CTIF: variants seen among roughly 807,000 people sequenced by gnomAD.
CTIF encodes the protein cap binding complex dependent translation initiation factor.
Under a neutral mutation model 66.0 loss-of-function variants are expected in CTIF, and 21 were observed. The ratio of observed to expected loss-of-function variants is 0.32; its 90% CI spans 0.23 to 0.46. The LOEUF (loss-of-function observed/expected upper bound fraction) is 0.46. CTIF is among the 20% of genes least tolerant of loss of function. The pLI, the probability that CTIF is intolerant of heterozygous loss-of-function variation, is 1.00. For synonymous variants in CTIF, 345 were observed against 326.4 expected (o/e 1.06, Z -0.62); for missense variants, 739 against 812.7 (o/e 0.91, Z 1.10).
At chr18:48,787,418 C>T (rs531377445) in intron 9 of CTIF, among the ~76,000 whole-genome samples, 1 of 152,122 alleles carries the variant, frequency 6.6e-6, no homozygotes, top group Non-Finnish European at 1.5e-5. Context: ...AGGAGACTCA[C>T]ATCTCAGAAG....
chr18:48,857,704 T>C, intron 11 of CTIF, 63 bp downstream of exon 11: 1 of 1,466,962 alleles, frequency 6.8e-7, no homozygotes, highest in Non-Finnish European at 9.3e-7. Flanking sequence ...GCCTTAACAG[T>C]TCTAGGGGCA....
chr18:48,742,629 G>C (rs2092564546), intron 7 of CTIF, among the ~76,000 whole-genome samples: 1 of 152,236 alleles, frequency 6.6e-6, no homozygotes. Context: ...CTGTGTCAGA[G>C]CCAAGGCGCA....
At chr18:48,659,010 A>G (rs1203893517) in intron 3 of CTIF, among the ~76,000 whole-genome samples, 1 of 152,176 alleles carries the variant, frequency 6.6e-6, no homozygotes, top group Non-Finnish European at 1.5e-5. Context: ...AGCAAAGGAA[A>G]GCTCTGCAGG....
At chr18:48,703,256 G>A (rs1180264393) in intron 6 of CTIF, among the ~76,000 whole-genome samples, 3 of 152,164 alleles carry the variant, frequency 2.0e-5, no homozygotes, top group Non-Finnish European at 4.4e-5. Context: ...AGAGGCCAGG[G>A]CAGAGTGGAT....
rs747026627 is a variant in CTIF at position 48,859,762 on chromosome 18, G to A, written c.*203G>A. 8 of 697,962 alleles carry A rather than the reference G, an allele frequency of 1.1e-5. No homozygotes were observed. Among genetic ancestry groups the A allele is most frequent in the Non-Finnish European group, 1.8e-5 (7 of 382,514 alleles). The allele number at this position is 697,962 out of a possible 1,614,324, so 43.2% of individuals were successfully genotyped here. On this transcript the variant is annotated 3_prime_UTR_variant, in exon 12 of 12. Coordinates refer to ENST00000256413, the MANE Select transcript of CTIF (RefSeq NM_014772.3). ...TGCCCCCGCACAAGCCCCCCAGCCC[G>A]AGCATGCAAGCTCACACCAATAAGG...
intron 1 of CTIF, among the ~76,000 whole-genome samples, chr18:48,580,136 A>G (rs16949530): frequency 0.14 from 21,313 of 152,096 alleles, 2,033 homozygotes; most frequent in African/African-American, 0.27. Flanking sequence ...ACAGGTTTGT[A>G]TGTTGTTAGA....
intron 10 of CTIF, among the ~76,000 whole-genome samples, chr18:48,828,050 G>T (rs1374243496): frequency 5.2e-5 from 7 of 134,610 alleles, no homozygotes; most frequent in African/African-American, 2.0e-4. Context: ...TGACTGTTCT[G>T]CTTCCTTAGC....
intron 10 of CTIF, among the ~76,000 whole-genome samples, chr18:48,843,497 C>T (rs1233058491): frequency 1.3e-5 from 2 of 151,982 alleles, no homozygotes; most frequent in Non-Finnish European, 2.9e-5. Flanking sequence ...GCCTCTCGAG[C>T]CCTCCTCCCC....
rs73956923 is a variant in CTIF, at chr18:48,573,130, C to T, written c.-29+33818C>T. On this transcript the variant is annotated intron_variant, in intron 1 of 11. Transcript: ENST00000256413. ...CAGTCTTTAAGGACAAGAGCCCTTG[C>T]GTCTGGATCAGGAAGGCTGCCCTGG... Among the ~76,000 whole-genome samples the T allele has an allele frequency of 3.5e-3, 533 of 152,252 alleles. 5 individuals carry two copies. The highest frequency in any genetic ancestry group is 0.012 in the African/African-American group (501 of 41,544).
intron 6 of CTIF, among the ~76,000 whole-genome samples, chr18:48,673,286 T>C (rs932837184): frequency 6.6e-6 from 1 of 152,182 alleles, no homozygotes; most frequent in African/African-American, 2.4e-5. Context: ...TGTTGTGTTG[T>C]CTAGAGTGTA....
intron 3 of CTIF, among the ~76,000 whole-genome samples, chr18:48,638,924 G>A (rs536249170): frequency 3.3e-4 from 50 of 152,240 alleles, no homozygotes; most frequent in Non-Finnish European, 6.9e-4. Context: ...TTTGTGGGAG[G>A]GACCTCCTAC....
In CTIF at chr18:48,559,972, T is replaced by A. The variant is rs1050472785; in HGVS notation, c.-29+20660T>A. ...AATACAAATAAACCAAACAAAATAA[T>A]TATATATTATGACCAAGTGGAGTTT... is the stretch of plus-strand genomic sequence containing the variant. On this transcript the variant is annotated intron_variant, in intron 1 of 11. Transcript: ENST00000256413. 4.6e-5 allele frequency among the ~76,000 whole-genome samples: 7 copies of A among 151,914 alleles called. No individual in the cohort carries two copies. The South Asian group carries it at 6.2e-4, about 14-fold the overall frequency.
At chr18:48,842,103 A>G (rs2146550152) in intron 10 of CTIF, among the ~76,000 whole-genome samples, 1 of 152,188 alleles carries the variant, frequency 6.6e-6, no homozygotes, top group East Asian at 1.9e-4. Context: ...AGAGACGGGG[A>G]CGTTCAAGTA....
rs548608346 is a variant in CTIF, at chr18:48,819,441, G to GTGA, written c.1527+2067_1527+2069dup. On this transcript the variant is annotated intron_variant, in intron 10 of 11. Transcript: ENST00000256413. ...AATTGCCCCAACACGTTCCCTCTGC[G>GTGA]TGATCTGGACACCTCCTGGTGTTGT... is the stretch of plus-strand genomic sequence containing the variant. 3.0e-3 allele frequency among the ~76,000 whole-genome samples: 464 copies of GTGA among 152,338 alleles called. 4 individuals carry two copies. The highest frequency in any genetic ancestry group is 0.01 in the African/African-American group (430 of 41,580).
intron 7 of CTIF, among the ~76,000 whole-genome samples, chr18:48,739,707 C>T (rs897054964): frequency 6.6e-6 from 1 of 152,208 alleles, no homozygotes; most frequent in African/African-American, 2.4e-5. Flanking sequence ...TTCCCAGGGG[C>T]CACTGGAAGC....
At chr18:48,796,251 G>A (rs1056947088) in intron 9 of CTIF, among the ~76,000 whole-genome samples, 9 of 151,876 alleles carry the variant, frequency 5.9e-5, no homozygotes, top group Non-Finnish European at 1.0e-4. Context: ...TCGGCTCACC[G>A]CAAGCTCCAC....
chr18:48,812,006 A>G (rs1219682698), intron 9 of CTIF, among the ~76,000 whole-genome samples: 1 of 152,214 alleles, frequency 6.6e-6, no homozygotes, highest in Non-Finnish European at 1.5e-5. Flanking sequence ...TCTGTCCCCC[A>G]GGCTGGGGTG....
intron 9 of CTIF, among the ~76,000 whole-genome samples, chr18:48,808,180 A>T (rs1014487606): frequency 6.6e-6 from 1 of 152,166 alleles, no homozygotes; most frequent in Non-Finnish European, 1.5e-5. Flanking sequence ...ATATATATAG[A>T]TGGGAAAAAG....
At chr18:48,566,583 A>C (rs2089285632) in intron 1 of CTIF, 1 of 152,206 alleles carries the variant, frequency 6.6e-6, no homozygotes, top group Admixed American at 6.5e-5. Flanking sequence ...ATTAGTCATG[A>C]ATCCAAGGTC....
Sources: gnomAD v4.1 joint callset for allele counts (sites outside exome capture counted in the v4.1 genomes callset) on GRCh38, gnomAD v4.1.1 for gene constraint, MANE v1.5 for transcripts, NCBI Gene and HGNC (gene_info 2026-07-23, HGNC 2026-07-21) for gene names.